The following AHI1 variants were observed in gnomAD, a reference collection of about 807,000 sequenced individuals.
AHI1 encodes Abelson helper integration site 1.
A neutral mutation model predicts 149.3 loss-of-function variants in AHI1; 123 were observed. The ratio of observed to expected loss-of-function variants is 0.82; its 90% CI spans 0.71 to 0.96. The LOEUF is 0.96. AHI1 is among the 40% of genes least tolerant of loss of function. The pLI is 0.00. For missense variants in AHI1, 1,439 were observed against 1,422.7 expected (o/e 1.01, Z -0.18); for synonymous variants, 475 against 459.8 (o/e 1.03, Z -0.42).
At chr6:135,436,602 AT>A (rs1039964636) in intron 15 of AHI1, among the ~76,000 whole-genome samples, 2 of 152,026 alleles carry the variant, frequency 1.3e-5, no homozygotes, top group Non-Finnish European at 2.9e-5. Context: ...CAATTTGAGC[AT>A]ATTTCTTTTT....
intron 24 of AHI1, among the ~76,000 whole-genome samples, chr6:135,352,408 A>G (rs974284781): frequency 1.3e-5 from 2 of 152,056 alleles, no homozygotes; most frequent in Admixed American, 1.3e-4. Flanking sequence ...CTTTGGTCAC[A>G]CTGTTACTCT....
chr6:135,424,061 C>T (rs1034421927), intron 20 of AHI1, among the ~76,000 whole-genome samples: 6 of 151,958 alleles, frequency 3.9e-5, no homozygotes, highest in African/African-American at 1.4e-4. Flanking sequence ...AAACCACATA[C>T]TCCACAGAGA....
At chr6:135,305,997 T>C (rs1241564876) in intron 26 of AHI1, among the ~76,000 whole-genome samples, 1 of 152,208 alleles carries the variant, frequency 6.6e-6, no homozygotes, top group Non-Finnish European at 1.5e-5. Context: ...TAGTTTCCCT[T>C]CACTATCCTT....
chr6:135,401,956 T>C (rs1780079842), intron 22 of AHI1, among the ~76,000 whole-genome samples: 1 of 152,014 alleles, frequency 6.6e-6, no homozygotes, highest in Non-Finnish European at 1.5e-5. Context: ...GTATCTAGAA[T>C]ATATAAAGAA....
chr6:135,482,450 G>C (rs1255183163), intron 5 of AHI1, among the ~76,000 whole-genome samples: 1 of 149,820 alleles, frequency 6.7e-6, no homozygotes, highest in African/African-American at 2.4e-5. Flanking sequence ...ACCTGGACAG[G>C]CCATGCCAGC....
intron 23 of AHI1, among the ~76,000 whole-genome samples, chr6:135,382,980 A>C (rs58547978): frequency 1.4e-5 from 2 of 140,536 alleles, no homozygotes; most frequent in African/African-American, 2.6e-5. Flanking sequence ...ATAATTTTTT[A>C]AAAATTGGAT....
At chr6:135,486,676 T>C (rs1476836793) in intron 5 of AHI1, among the ~76,000 whole-genome samples, 1 of 152,188 alleles carries the variant, frequency 6.6e-6, no homozygotes, top group Non-Finnish European at 1.5e-5. Flanking sequence ...GACAACTGTC[T>C]ATATTTTTGC....
rs116256952 is a variant in AHI1, at chr6:135,467,036, G to A, written c.189+545C>T. On this transcript the variant is annotated intron_variant, in intron 6 of 28. Coordinates refer to ENST00000265602, the MANE Select transcript of AHI1 (RefSeq NM_001134831.2). ...GAAGAGGAGGAGGGGATAAACTAGA[G>A]GATGACCAATCGAGGAGCTGGGATG... Among the ~76,000 whole-genome samples, 842 of 152,288 alleles carry A rather than the reference G, an allele frequency of 5.5e-3. 8 individuals carry two copies. The highest frequency in any genetic ancestry group is 0.016 in the African/African-American group (664 of 41,544).
rs750115460 is a variant in AHI1 at position 135,323,267 on chromosome 6, C to T, written c.3223G>A (p.Gly1075Arg). Residue 1075 changes from glycine to arginine, a missense_variant, in exon 25 of 29, where the codon GGA becomes AGA. Physicochemically the swap from Gly to Arg is moderately radical, Grantham distance 125 (BLOSUM62 -2). Transcript: ENST00000265602. Reference protein sequence around the residue: ...NRSDELTIHRGDIIRVFFKDN... With the variant: ...NRSDELTIHRRDIIRVFFKDN... The stretch of plus-strand genomic sequence containing the variant: ...TTGAAAAACACTCGGATAATGTCTC[C>T]GCGATGGATGGTTAGTTCATCTGAT... 3.7e-5 allele frequency: 60 copies of T among 1,613,750 alleles called. No homozygotes were observed. In the African/African-American group the frequency reaches 4.0e-4, roughly 11 times the overall value.
At chr6:135,400,347 C>A (rs1379427744) in intron 22 of AHI1, among the ~76,000 whole-genome samples, 1 of 151,854 alleles carries the variant, frequency 6.6e-6, no homozygotes, top group African/African-American at 2.4e-5. Flanking sequence ...GAGGTGGATT[C>A]GACTACAATA....
intron 23 of AHI1, among the ~76,000 whole-genome samples, chr6:135,368,315 T>C (rs1343259802): frequency 6.6e-6 from 1 of 152,134 alleles, no homozygotes; most frequent in Non-Finnish European, 1.5e-5. Context: ...TTTGTGTTGG[T>C]TGGTTTCCAG....
intron 24 of AHI1, among the ~76,000 whole-genome samples, chr6:135,344,438 G>T (rs1790858110): frequency 6.7e-6 from 1 of 149,990 alleles, no homozygotes; most frequent in African/African-American, 2.4e-5. Context: ...TACTATATAG[G>T]TATATTTATA....
intron 20 of AHI1, among the ~76,000 whole-genome samples, chr6:135,416,177 C>A (rs905943222): frequency 1.3e-5 from 2 of 151,838 alleles, no homozygotes; most frequent in Non-Finnish European, 2.9e-5. Flanking sequence ...AAGCAAATGA[C>A]AAAATTGTAA....
chr6:135,460,715 G>T (rs1303391084), intron 8 of AHI1, among the ~76,000 whole-genome samples: 1 of 152,178 alleles, frequency 6.6e-6, no homozygotes, highest in African/African-American at 2.4e-5. Flanking sequence ...AGACATGGTA[G>T]TGTTGGTACA....
intron 16 of AHI1, among the ~76,000 whole-genome samples, chr6:135,431,865 T>C (rs1784709918): frequency 6.6e-6 from 1 of 152,212 alleles, no homozygotes; most frequent in African/African-American, 2.4e-5. Context: ...GTGAATTCAG[T>C]ATTTTATAAA....
chr6:135,321,774 T>A (rs1290792697), intron 25 of AHI1, among the ~76,000 whole-genome samples: 4 of 152,174 alleles, frequency 2.6e-5, no homozygotes, highest in Non-Finnish European at 5.9e-5. Context: ...CACAGATTGT[T>A]CTCAATTTCA....
At chr6:135,447,367 A>C (rs1364568504) in intron 12 of AHI1, among the ~76,000 whole-genome samples, 1 of 152,208 alleles carries the variant, frequency 6.6e-6, no homozygotes, top group Non-Finnish European at 1.5e-5. Flanking sequence ...AAAGCCATAA[A>C]AATTTTGGAG....
chr6:135,388,054 G>C (rs768163296), intron 23 of AHI1: 1 of 1,612,564 alleles, frequency 6.2e-7, no homozygotes. Flanking sequence ...AATTCTTGTC[G>C]TTAAAAACTG....
intron 25 of AHI1, among the ~76,000 whole-genome samples, chr6:135,319,242 G>A (rs577236585): frequency 2.6e-5 from 4 of 152,298 alleles, no homozygotes; most frequent in Non-Finnish European, 4.4e-5. Context: ...TTGGGAGGCC[G>A]AGGTGGGCAG....
Sources: allele counts gnomAD v4.1 joint callset (sites outside exome capture counted in the v4.1 genomes callset), GRCh38; gene constraint gnomAD v4.1.1; transcripts MANE v1.5; gene names NCBI Gene and HGNC (gene_info 2026-07-23, HGNC 2026-07-21).